ENOX1: variants seen among roughly 807,000 people sequenced by gnomAD.
ENOX1 encodes the protein candidate growth-related and time keeping constitutive hydroquinone (NADH) oxidase.
In ENOX1, 42 loss-of-function variants were observed where a neutral mutation model predicts 82.5. The observed-to-expected ratio is 0.51, with a 90% CI of 0.40 to 0.66. The LOEUF (loss-of-function observed/expected upper bound fraction) is 0.66, where lower values mean the gene tolerates loss of function less well. Among genes scored for constraint, ENOX1 ranks in the 30% least tolerant of loss-of-function variants. The pLI is 0.00. For synonymous variants in ENOX1, 271 were observed against 282.2 expected, an observed-to-expected ratio of 0.96 and a Z score of 0.40; for missense variants, 608 against 811.6, an observed-to-expected ratio of 0.75 and a Z score of 3.05.
intron 12 of ENOX1, among the ~76,000 whole-genome samples, chr13:43,276,688 C>G (rs2045055053): frequency 6.6e-6 from 1 of 152,224 alleles, no homozygotes; most frequent in Non-Finnish European, 1.5e-5. Flanking sequence ...TTTAAAAATT[C>G]AAGTGAACAT....
At chr13:43,572,774 G>A (rs566086655) in intron 2 of ENOX1, among the ~76,000 whole-genome samples, 1 of 152,326 alleles carries the variant, frequency 6.6e-6, no homozygotes, top group South Asian at 2.1e-4. Flanking sequence ...ATTCACAAGG[G>A]CATAGCTGAG....
intron 2 of ENOX1, among the ~76,000 whole-genome samples, chr13:43,541,970 A>G (rs2078749426): frequency 6.6e-6 from 1 of 152,138 alleles, no homozygotes; most frequent in African/African-American, 2.4e-5. Flanking sequence ...AAAAAAGAGA[A>G]CGGTTTCTGA....
chr13:43,727,082 T>C (rs1488659506), intron 1 of ENOX1, among the ~76,000 whole-genome samples: 1 of 152,186 alleles, frequency 6.6e-6, no homozygotes, highest in African/African-American at 2.4e-5. Context: ...CTGCACTTCT[T>C]AGTGTTTGTT....
At chr13:43,687,542 AT>A (rs1391014994) in intron 1 of ENOX1, among the ~76,000 whole-genome samples, 1 of 152,038 alleles carries the variant, frequency 6.6e-6, no homozygotes, top group African/African-American at 2.4e-5. Context: ...TTAATCACTT[AT>A]TTTCTTTGAA....
intron 3 of ENOX1, among the ~76,000 whole-genome samples, chr13:43,460,127 T>A (rs2057401929): frequency 6.6e-6 from 1 of 152,244 alleles, no homozygotes; most frequent in South Asian, 2.1e-4. Context: ...TGCCTTCTTT[T>A]GTTACAAAAT....
At chr13:43,520,737 C>T (rs972669479) in intron 2 of ENOX1, among the ~76,000 whole-genome samples, 8 of 152,132 alleles carry the variant, frequency 5.3e-5, no homozygotes, top group African/African-American at 1.9e-4. Context: ...ATAATTTAAG[C>T]ACTTAAGGTC....
rs2076967019 is a variant in ENOX1, at chr13:43,501,137, A to G, written c.-218-16985T>C. ...TCTACAAGAGAAGAACTTTAAATTT[A>G]AGGACACACAGACTGAAAGTAAAAG... On this transcript the variant is annotated intron_variant, in intron 2 of 16. Coordinates refer to ENST00000690772, the MANE Select transcript of ENOX1 (RefSeq NM_001347969.2). Among the ~76,000 whole-genome samples, 4 of 151,810 alleles carry G rather than the reference A, an allele frequency of 2.6e-5. No homozygotes were observed. The South Asian group carries it at 8.3e-4, about 31-fold the overall frequency.
At chr13:43,633,393 G>A (rs1266658455) in intron 2 of ENOX1, among the ~76,000 whole-genome samples, 1 of 152,010 alleles carries the variant, frequency 6.6e-6, no homozygotes, top group African/African-American at 2.4e-5. Context: ...CCCCATCTAG[G>A]AATCTGTCTC....
chr13:43,217,080 A>G (rs889460983), intron 16 of ENOX1, among the ~76,000 whole-genome samples: 2 of 152,074 alleles, frequency 1.3e-5, no homozygotes, highest in African/African-American at 2.4e-5. Context: ...TGTGGACCAG[A>G]CCTCCTGGCT....
At chr13:43,729,395 T>A (rs1259093404) in intron 1 of ENOX1, among the ~76,000 whole-genome samples, 1 of 152,206 alleles carries the variant, frequency 6.6e-6, no homozygotes, top group African/African-American at 2.4e-5. Context: ...AGAAGGAATA[T>A]GTCTAATATA....
intron 1 of ENOX1, among the ~76,000 whole-genome samples, chr13:43,712,657 GTA>G (rs1261623252): frequency 6.6e-6 from 1 of 151,682 alleles, no homozygotes; most frequent in Non-Finnish European, 1.5e-5. Context: ...GGATTCCTAG[GTA>G]TTTTATTCTC....
At chr13:43,682,525 G>A (rs906715225) in intron 1 of ENOX1, among the ~76,000 whole-genome samples, 1 of 152,062 alleles carries the variant, frequency 6.6e-6, no homozygotes, top group Non-Finnish European at 1.5e-5. Flanking sequence ...CACAGCAAAT[G>A]CAGGCTGGCC....
intron 9 of ENOX1, among the ~76,000 whole-genome samples, chr13:43,336,295 C>T (rs935032173): frequency 2.6e-5 from 4 of 152,344 alleles, no homozygotes; most frequent in African/African-American, 9.6e-5. Flanking sequence ...TCACAGTACA[C>T]AGAGATCAGA....
chr13:43,633,322 A>G (rs971565577), intron 2 of ENOX1, among the ~76,000 whole-genome samples: 1 of 152,208 alleles, frequency 6.6e-6, no homozygotes, highest in African/African-American at 2.4e-5. Context: ...GAGTTATTTT[A>G]GAGGAAATTT....
intron 2 of ENOX1, among the ~76,000 whole-genome samples, chr13:43,521,327 C>A (rs1210177708): frequency 6.6e-6 from 1 of 152,078 alleles, no homozygotes; most frequent in Admixed American, 6.6e-5. Flanking sequence ...CTGGGTACAA[C>A]CCGATGTGAT....
At chr13:43,569,359 A>G (rs1199562903) in intron 2 of ENOX1, among the ~76,000 whole-genome samples, 1 of 152,212 alleles carries the variant, frequency 6.6e-6, no homozygotes, top group East Asian at 1.9e-4. Flanking sequence ...GTAGGTAGGT[A>G]GGTAAGTAGA....
chr13:43,227,097 T>C (rs1401242862), intron 15 of ENOX1, among the ~76,000 whole-genome samples: 1 of 152,148 alleles, frequency 6.6e-6, no homozygotes, highest in Non-Finnish European at 1.5e-5. Flanking sequence ...ATGTCTTTAA[T>C]AGGATGAATA....
At chr13:43,484,328 A>G (rs929459594) in intron 2 of ENOX1, among the ~76,000 whole-genome samples, 176 bp from the exon 3 acceptor site, 3 of 152,188 alleles carry the variant, frequency 2.0e-5, no homozygotes, top group Non-Finnish European at 4.4e-5. Context: ...ACCTTTCAAT[A>G]TCGTATTTAG....
intron 14 of ENOX1, among the ~76,000 whole-genome samples, chr13:43,253,936 C>A (rs2043603029): frequency 6.6e-6 from 1 of 152,142 alleles, no homozygotes; most frequent in Non-Finnish European, 1.5e-5. Flanking sequence ...CGTAATTGAG[C>A]CCTCTAGGTT....
Sources: gnomAD v4.1 joint callset for allele counts (sites outside exome capture counted in the v4.1 genomes callset) on GRCh38, gnomAD v4.1.1 for gene constraint, MANE v1.5 for transcripts, NCBI Gene and HGNC (gene_info 2026-07-23, HGNC 2026-07-21) for gene names.